CDKAL1: variants seen among roughly 807,000 people sequenced by gnomAD.
The protein encoded by CDKAL1 is CDKAL1 threonylcarbamoyladenosine tRNA methylthiotransferase.
CDKAL1 carries 32 observed loss-of-function variants against 68.2 expected under a neutral mutation model. The ratio of observed to expected loss-of-function variants is 0.47; its 90% CI spans 0.35 to 0.63. The LOEUF is 0.63. Among genes scored for constraint, CDKAL1 ranks in the 30% least tolerant of loss-of-function variants. CDKAL1 has a pLI of 0.00. For synonymous variants in CDKAL1, 234 were observed against 244.3 expected, an observed-to-expected ratio of 0.96 and a Z score of 0.39; for missense variants, 606 against 696.7, an observed-to-expected ratio of 0.87 and a Z score of 1.47.
In CDKAL1 at chr6:20,923,744, G is replaced by A. The variant is rs189640027; in HGVS notation, c.743-31675G>A. ...AAAGCTAGAAATGGGCAGGCATGGC[G>A]GCACACGCCTGTAATCTAGCAATTT... On this transcript the variant is annotated intron_variant, in intron 9 of 15. Transcript: ENST00000274695. 4.6e-5 allele frequency among the ~76,000 whole-genome samples: 7 copies of A among 152,334 alleles called. 1 individual carries two copies. The highest frequency in any genetic ancestry group is 2.0e-4 in the Admixed American group (3 of 15,308).
chr6:20,921,430 A>G (rs1372469741), intron 9 of CDKAL1, among the ~76,000 whole-genome samples: 1 of 152,184 alleles, frequency 6.6e-6, no homozygotes, highest in Non-Finnish European at 1.5e-5. Context: ...CCGTCTCAAA[A>G]TAAATAAATA....
At chr6:20,831,644 C>T (rs1777722361) in intron 8 of CDKAL1, among the ~76,000 whole-genome samples, 1 of 152,126 alleles carries the variant, frequency 6.6e-6, no homozygotes, top group African/African-American at 2.4e-5. Context: ...AGCTTCTCCT[C>T]AGTCCAACCA....
intron 4 of CDKAL1, among the ~76,000 whole-genome samples, chr6:20,556,647 T>C (rs1214367755): frequency 6.6e-6 from 1 of 152,210 alleles, no homozygotes; most frequent in Non-Finnish European, 1.5e-5. Context: ...TTACAGTTTG[T>C]AACATACATT....
intron 5 of CDKAL1, among the ~76,000 whole-genome samples, chr6:20,653,468 T>C (rs1768865846): frequency 6.6e-6 from 1 of 152,198 alleles, no homozygotes; most frequent in Non-Finnish European, 1.5e-5. Flanking sequence ...TTTTCTTTTC[T>C]TGAGACAGGC....
intron 11 of CDKAL1, among the ~76,000 whole-genome samples, chr6:21,040,191 A>G (rs1561981991): frequency 6.6e-6 from 1 of 152,142 alleles, no homozygotes; most frequent in Non-Finnish European, 1.5e-5. Flanking sequence ...TTTCAGATCA[A>G]CTTGGTGCCG....
chr6:21,150,761 C>T (rs1179295461), intron 13 of CDKAL1, among the ~76,000 whole-genome samples: 1 of 152,208 alleles, frequency 6.6e-6, no homozygotes, highest in African/African-American at 2.4e-5. Flanking sequence ...TTTCTATATT[C>T]CATCACTGGC....
At chr6:20,637,888 C>T (rs1767978175) in intron 4 of CDKAL1, among the ~76,000 whole-genome samples, 1 of 151,968 alleles carries the variant, frequency 6.6e-6, no homozygotes, top group Admixed American at 6.6e-5. Flanking sequence ...TTTTTATTGT[C>T]TTATTTTTTT....
rs924547377 is a variant in CDKAL1 at position 21,052,959 on chromosome 6, A to AT, written c.1056-12080dup. Among the ~76,000 whole-genome samples, 236 of 151,676 alleles carry AT rather than the reference A, an allele frequency of 1.6e-3. 3 individuals carry two copies. The highest frequency in any genetic ancestry group is 2.8e-3 in the Admixed American group (42 of 15,212). ...TCATGCTATCTGTCTTCAGAAAGGTATTTTTTTTTCATTGTTAAGTCTGTA... is the reference window on the plus strand; with the variant it reads ...TCATGCTATCTGTCTTCAGAAAGGTATTTTTTTTTTCATTGTTAAGTCTGTA... On this transcript the variant is annotated intron_variant, in intron 11 of 15. Coordinates refer to ENST00000274695, the MANE Select transcript of CDKAL1 (RefSeq NM_017774.3).
chr6:20,838,525 G>A (rs546679170), intron 8 of CDKAL1, among the ~76,000 whole-genome samples: 2 of 152,112 alleles, frequency 1.3e-5, no homozygotes, highest in African/African-American at 2.4e-5. Flanking sequence ...GAAAATTTTC[G>A]GAAAAGTATG....
chr6:20,915,461 C>CTTTA (rs1762680987), intron 9 of CDKAL1, among the ~76,000 whole-genome samples: 1 of 152,198 alleles, frequency 6.6e-6, no homozygotes, highest in Non-Finnish European at 1.5e-5. Context: ...CTTCTCTGAA[C>CTTTA]TTTAGTCTTT....
chr6:20,798,016 G>A (rs1219822320), intron 8 of CDKAL1, among the ~76,000 whole-genome samples: 9 of 151,474 alleles, frequency 5.9e-5, no homozygotes, highest in East Asian at 1.9e-4. Context: ...GGGTTTCACC[G>A]TGTTGCCCAG....
At position 20,634,977 on chromosome 6, in the gene CDKAL1, CAAAAAAAAAA is replaced by C. The variant is rs142659533; in HGVS notation, c.287-14304_287-14295del. 4.0e-5 allele frequency among the ~76,000 whole-genome samples: 4 copies of C among 99,846 alleles called. No individual in the cohort carries two copies. In the South Asian group the frequency reaches 9.8e-4, roughly 25 times the overall value. The allele number at this position is 99,846 out of a possible 152,430, so 65.5% of individuals were successfully genotyped here. On this transcript the variant is annotated intron_variant, in intron 4 of 15. Coordinates refer to ENST00000274695, the MANE Select transcript of CDKAL1 (RefSeq NM_017774.3). ...GGGCAACAAGAGCAAAACCCCGTCT[CAAAAAAAAAA>C]AAAAAAAAAAAGAAGAAAGAAAAAA... is the stretch of plus-strand genomic sequence containing the variant.
chr6:21,136,698 T>C (rs1267817802), intron 13 of CDKAL1, among the ~76,000 whole-genome samples: 1 of 152,170 alleles, frequency 6.6e-6, no homozygotes, highest in Non-Finnish European at 1.5e-5. Flanking sequence ...TTTAGGGGTT[T>C]CTCTAAACTG....
intron 9 of CDKAL1, among the ~76,000 whole-genome samples, chr6:20,892,428 A>T (rs1217854956): frequency 2.0e-5 from 3 of 152,230 alleles, no homozygotes; most frequent in African/African-American, 4.8e-5. Flanking sequence ...TTTTTAAGGT[A>T]TGGTAATAAT....
At chr6:20,944,054 C>T (rs188506861) in intron 9 of CDKAL1, among the ~76,000 whole-genome samples, 1 of 152,324 alleles carries the variant, frequency 6.6e-6, no homozygotes, top group East Asian at 1.9e-4. Context: ...GATATTTAAT[C>T]CTATCAATTA....
chr6:20,804,984 C>T (rs534638593), intron 8 of CDKAL1, among the ~76,000 whole-genome samples: 10 of 152,194 alleles, frequency 6.6e-5, no homozygotes, highest in Middle Eastern at 3.4e-3. Flanking sequence ...TTACTTGTGC[C>T]ACTTCACTCC....
intron 11 of CDKAL1, among the ~76,000 whole-genome samples, chr6:21,053,883 T>C (rs540073161): frequency 2.4e-3 from 366 of 152,314 alleles, no homozygotes; most frequent in African/African-American, 8.4e-3. Context: ...GATATATGAT[T>C]TGCAAATATT....
At position 20,977,198 on chromosome 6, in the gene CDKAL1, G is replaced by A. The variant is rs189683891; in HGVS notation, c.909+21613G>A. 1.8e-4 allele frequency among the ~76,000 whole-genome samples: 28 copies of A among 152,258 alleles called. No individual in the cohort carries two copies. The East Asian group carries it at 5.2e-3, about 28-fold the overall frequency. On this transcript the variant is annotated intron_variant, in intron 10 of 15. Coordinates refer to ENST00000274695, the MANE Select transcript of CDKAL1 (RefSeq NM_017774.3). Reference sequence around the variant, plus strand: ...GGGGAAATATTTGGGATTTGTTGCAGGTTGTTTTTTTCCCATGAGTAGTGA... The same window carrying A: ...GGGGAAATATTTGGGATTTGTTGCAAGTTGTTTTTTTCCCATGAGTAGTGA...
At chr6:21,130,585 T>C (rs1468149634) in intron 13 of CDKAL1, among the ~76,000 whole-genome samples, 2 of 152,324 alleles carry the variant, frequency 1.3e-5, no homozygotes, top group Non-Finnish European at 1.5e-5. Flanking sequence ...TCCAGGTTAG[T>C]TGACTTTGAT....
Sources: gnomAD v4.1 joint callset for allele counts (sites outside exome capture counted in the v4.1 genomes callset) on GRCh38, gnomAD v4.1.1 for gene constraint, MANE v1.5 for transcripts, NCBI Gene and HGNC (gene_info 2026-07-23, HGNC 2026-07-21) for gene names.